Variants in SDK2 observed in about 807,000 individuals in gnomAD.
The protein encoded by SDK2 is protein sidekick-2.
SDK2 carries 105 observed loss-of-function variants against 253.9 expected under a neutral mutation model. That is an observed-to-expected ratio of 0.41 (90% CI 0.35 to 0.49). The LOEUF (loss-of-function observed/expected upper bound fraction) is 0.49. Ranked by LOEUF, SDK2 falls within the 20% of genes least tolerant of loss-of-function variation. The probability of loss-of-function intolerance (pLI) is 0.06; values close to 1 mark genes in which losing one functional copy is unlikely to be tolerated. For synonymous variants in SDK2, 1,249 were observed against 1,234.9 expected, an observed-to-expected ratio of 1.01 and a Z score of -0.24; for missense variants, 2,608 against 3,003.0, an observed-to-expected ratio of 0.87 and a Z score of 3.07.
Position 73,395,503 on chromosome 17 carries a change from A to C in SDK2, c.3355-111T>G. 1.3e-6 allele frequency: 1 copy of C among 764,552 alleles called. No individual in the cohort carries two copies. The highest frequency in any genetic ancestry group is 2.2e-6 in the Non-Finnish European group (1 of 461,150). 47.4% of individuals were successfully genotyped at this position (764,552 alleles called of 1,614,324 possible). A position where few individuals can be genotyped will look rare whatever the true frequency, so the allele number is the denominator to read the frequency against. On this transcript the variant is annotated intron_variant, in intron 24 of 44. Transcript: ENST00000392650. The surrounding 1 kb of genome is among the most constrained non-coding windows in gnomAD (Gnocchi z 4.3). ...GGGCGCCTTCAGGGCTATCCATCCC[A>C]CTGTCACCCGGTCAGTGTCCACATG...
chr17:73,623,129 C>T (rs1315400327), intron 1 of SDK2, among the ~76,000 whole-genome samples: 1 of 152,206 alleles, frequency 6.6e-6, no homozygotes, highest in Admixed American at 6.5e-5. Context: ...TATTTCTTCC[C>T]CATTGAGTCA....
chr17:73,524,539 T>A (rs1191418213), intron 1 of SDK2, among the ~76,000 whole-genome samples: 3 of 151,998 alleles, frequency 2.0e-5, no homozygotes, highest in Non-Finnish European at 4.4e-5. Flanking sequence ...CCAGACAGAG[T>A]GATGTGAGAG....
chr17:73,481,321 G>T lies in SDK2; in HGVS notation c.225-9103C>A, dbSNP rs1335763603. ...CTTCTAGGGAACCTGAGGGTGGAGA[G>T]GGGGTACCCGCAGTGGACAGAACAG... On this transcript the variant is annotated intron_variant, in intron 2 of 44. Transcript: ENST00000392650. The surrounding 1 kb of genome is among the most constrained non-coding windows in gnomAD (Gnocchi z 4.5). Among the ~76,000 whole-genome samples, 4 of 152,160 alleles carry T rather than the reference G, an allele frequency of 2.6e-5. No homozygotes were observed. Among genetic ancestry groups the T allele is most frequent in the East Asian group, 3.9e-4 (2 of 5,180 alleles).
At chr17:73,527,001 A>G (rs955611879) in intron 1 of SDK2, among the ~76,000 whole-genome samples, 7 of 152,246 alleles carry the variant, frequency 4.6e-5, no homozygotes, top group Non-Finnish European at 8.8e-5. Flanking sequence ...AGGCCTTCAC[A>G]AGCTGGCCTG....
At chr17:73,539,872 G>C (rs1440834834) in intron 1 of SDK2, among the ~76,000 whole-genome samples, 1 of 152,102 alleles carries the variant, frequency 6.6e-6, no homozygotes. Flanking sequence ...GCTGTGAGCT[G>C]GGGTACCCAG....
intron 18 of SDK2, among the ~76,000 whole-genome samples, chr17:73,409,843 G>GTC (rs1429468134): frequency 1.6e-3 from 25 of 15,970 alleles, no homozygotes; most frequent in Admixed American, 5.5e-3. Context: ...GTGTCTGTCT[G>GTC]TCTGTCTCTG....
At chr17:73,450,551 C>G (rs1000474325) in intron 4 of SDK2, among the ~76,000 whole-genome samples, 2 of 152,222 alleles carry the variant, frequency 1.3e-5, no homozygotes, top group African/African-American at 4.8e-5. Context: ...ACACTGGGCA[C>G]AGCTTGGCCC....
rs201862701 is a variant in SDK2, at chr17:73,393,552, G to A, written c.3898+8C>T. The stretch of plus-strand genomic sequence containing the variant: ...GCCTTCCCCAAGCTTGCTGGGATAC[G>A]GACTCACCATCATCCAGCGTCCGCT... On this transcript the variant is annotated splice_region_variant and intron_variant, in intron 27 of 44. Transcript: ENST00000392650. 1.3e-4 allele frequency: 194 copies of A among 1,542,926 alleles called. No homozygotes were observed. Among genetic ancestry groups the A allele is most frequent in the Admixed American group, 5.4e-5 (3 of 55,838 alleles).
rs1008417856 is a variant in SDK2 at position 73,569,822 on chromosome 17, C to T, written c.65-62225G>A. 7.2e-5 allele frequency among the ~76,000 whole-genome samples: 11 copies of T among 152,180 alleles called. No individual in the cohort carries two copies. The East Asian group carries it at 2.1e-3, about 30-fold the overall frequency. On this transcript the variant is annotated intron_variant, in intron 1 of 44. Coordinates refer to ENST00000392650, the MANE Select transcript of SDK2 (RefSeq NM_001144952.2). Reference sequence around the variant, plus strand: ...CGCAAAGGTCCTCAGAACGGAGCTCCGAGCCTTGATCTGTAAGCCTGTACC... The same window carrying T: ...CGCAAAGGTCCTCAGAACGGAGCTCTGAGCCTTGATCTGTAAGCCTGTACC...
At chr17:73,399,707 A>G (rs2063006618) in intron 21 of SDK2, among the ~76,000 whole-genome samples, 1 of 152,154 alleles carries the variant, frequency 6.6e-6, no homozygotes, top group Non-Finnish European at 1.5e-5. Flanking sequence ...CACACCTCCT[A>G]CGCCTAATTA....
intron 43 of SDK2, among the ~76,000 whole-genome samples, 157 bp downstream of exon 43, chr17:73,350,080 T>C (rs2062521048): frequency 7.2e-6 from 1 of 138,114 alleles, no homozygotes; most frequent in South Asian, 2.3e-4. Context: ...CCCCACTGTG[T>C]CTTTCTGCTG....
intron 44 of SDK2, among the ~76,000 whole-genome samples, chr17:73,346,152 G>C (rs2062482038): frequency 1.3e-5 from 2 of 151,594 alleles, no homozygotes; most frequent in Admixed American, 1.3e-4. Context: ...GTTGCAGTGA[G>C]CTGAGATCGC....
intron 2 of SDK2, among the ~76,000 whole-genome samples, chr17:73,494,741 T>C (rs769510627): frequency 1.3e-5 from 2 of 152,130 alleles, no homozygotes; most frequent in Non-Finnish European, 2.9e-5. Flanking sequence ...CACCCTGCCT[T>C]TCCCTGCTAC....
intron 3 of SDK2, among the ~76,000 whole-genome samples, chr17:73,469,992 G>GCGCGCGCGCGCGCGCGCGCA (rs1328450219): frequency 7.9e-6 from 1 of 126,184 alleles, no homozygotes; most frequent in African/African-American, 3.1e-5. Flanking sequence ...GCGCGCGCGC[G>GCGCGCGCGCGCGCGCGCGCA]CACACACACA....
At chr17:73,394,469 C>T (rs1410185966) in intron 25 of SDK2, 145 bp from the exon 26 acceptor site, 2 of 484,852 alleles carry the variant, frequency 4.1e-6, no homozygotes, top group Non-Finnish European at 7.2e-6. Context: ...GGTCCCCAAA[C>T]TGCAAACAAT....
At position 73,394,248 on chromosome 17, in the gene SDK2, G is replaced by T. The variant is rs760592944; in HGVS notation, c.3669C>A (p.Val1223=). ...CGAGCCCGTTGCGATCAGCCTCGGGGACCTCGCTCCAGCGCACCAGCATGC... is the reference window on the plus strand; with the variant it reads ...CGAGCCCGTTGCGATCAGCCTCGGGTACCTCGCTCCAGCGCACCAGCATGC... ...SSSMLVRWSE[V]PEADRNGLVL... The change falls in exon 26 of 45, where the codon GTC becomes GTA. Residue 1223 remains valine (V), a synonymous_variant. Coordinates refer to ENST00000392650, the MANE Select transcript of SDK2 (RefSeq NM_001144952.2). 4 of 1,601,308 alleles carry T rather than the reference G, an allele frequency of 2.5e-6. No homozygotes were observed. The highest frequency in any genetic ancestry group is 1.3e-5 in the African/African-American group (1 of 74,746).
At chr17:73,573,085 G>A (rs1209822949) in intron 1 of SDK2, among the ~76,000 whole-genome samples, 1 of 152,188 alleles carries the variant, frequency 6.6e-6, no homozygotes, top group Non-Finnish European at 1.5e-5. Context: ...CCTCCTTGGA[G>A]GCTGATGACC....
rs1261769578 is a variant in SDK2, at chr17:73,534,606, C to T, written c.65-27009G>A. 2.0e-5 allele frequency among the ~76,000 whole-genome samples: 3 copies of T among 152,162 alleles called. No individual in the cohort carries two copies. The highest frequency in any genetic ancestry group is 4.8e-5 in the African/African-American group (2 of 41,512). ...AGACCAGCAAGGCAGCAGGGAAGGC[C>T]GGTGGAGGGGAGGCAGAGGTCTTGG... On this transcript the variant is annotated intron_variant, in intron 1 of 44. Transcript: ENST00000392650. The surrounding 1 kb of genome is among the most constrained non-coding windows in gnomAD (Gnocchi z 4.9).
At chr17:73,486,259 T>C (rs2063768700) in intron 2 of SDK2, among the ~76,000 whole-genome samples, 1 of 152,124 alleles carries the variant, frequency 6.6e-6, no homozygotes, top group Admixed American at 6.6e-5. Context: ...GGAGGGACTT[T>C]GGTTTTTAAA....
Sources: gnomAD v4.1 joint callset for allele counts (sites outside exome capture counted in the v4.1 genomes callset) on GRCh38, gnomAD v4.1.1 for gene constraint, Gnocchi (gnomAD v3.1) non-coding constraint, MANE v1.5 for transcripts, NCBI Gene and HGNC (gene_info 2026-07-23, HGNC 2026-07-21) for gene names.